The following GLT1D1 variants were observed in gnomAD, a reference collection of about 807,000 sequenced individuals.
GLT1D1 encodes the protein glycosyltransferase 1 domain-containing protein 1.
GLT1D1 carries 21 observed loss-of-function variants against 28.7 expected under a neutral mutation model. The observed-to-expected ratio is 0.73, with a 90% CI of 0.52 to 1.05. The LOEUF is 1.05. GLT1D1 is among the 50% of genes least tolerant of loss of function. GLT1D1 has a pLI of 0.00. For synonymous variants in GLT1D1, 147 were observed against 124.8 expected (o/e 1.18, Z -1.19); for missense variants, 343 against 330.6 (o/e 1.04, Z -0.29).
rs532613859 is a variant in GLT1D1 at position 128,982,124 on chromosome 12, A to G, written c.640-805A>G. 4.6e-5 allele frequency among the ~76,000 whole-genome samples: 7 copies of G among 152,306 alleles called. No individual in the cohort carries two copies. The East Asian group carries it at 1.4e-3, about 29-fold the overall frequency. ...CAAGGGTCTGCAAGCCTTCTTCAGT[A>G]ATGAGCATAAACGGAAACACAGCCC... On this transcript the variant is annotated intron_variant, in intron 7 of 7. Transcript: ENST00000281703.
chr12:128,860,889 CG>C (rs1956347577), intron 1 of GLT1D1, among the ~76,000 whole-genome samples: 1 of 152,154 alleles, frequency 6.6e-6, no homozygotes, highest in African/African-American at 2.4e-5. Flanking sequence ...CTCACGGAAC[CG>C]GGGAAATTGG....
At chr12:128,910,499 A>T (rs1459730734) in intron 4 of GLT1D1, among the ~76,000 whole-genome samples, 1 of 152,098 alleles carries the variant, frequency 6.6e-6, no homozygotes, top group Non-Finnish European at 1.5e-5. Context: ...GTGCTTTACC[A>T]TCCATCTTCA....
chr12:128,942,739 G>GTTTTTTTT lies in GLT1D1; in HGVS notation c.376-2584_376-2583insTTTTTTTT, dbSNP rs199567989. Among the ~76,000 whole-genome samples the GTTTTTTTT allele has an allele frequency of 6.4e-4, 66 of 102,506 alleles. 8 individuals carry two copies. Among genetic ancestry groups the GTTTTTTTT allele is most frequent in the Non-Finnish European group, 9.0e-4 (49 of 54,326 alleles). 67.2% of individuals were successfully genotyped at this position (102,506 alleles called of 152,430 possible). A position where few individuals can be genotyped will look rare whatever the true frequency, so the allele number is the denominator to read the frequency against. On this transcript the variant is annotated intron_variant, in intron 4 of 7. Coordinates refer to ENST00000281703, the MANE Select transcript of GLT1D1 (RefSeq NM_144669.3). ...CTTTAGATTCCAATTTTCTTTGTTTGTTTGTTTTTGTTTTTTGTTTTTTTT... is the reference window on the plus strand; with the variant it reads ...CTTTAGATTCCAATTTTCTTTGTTTGTTTTTTTTTTTGTTTTTGTTTTTTGTTTTTTTT...
chr12:128,883,584 C>A (rs1957112792), intron 2 of GLT1D1, among the ~76,000 whole-genome samples: 1 of 124,512 alleles, frequency 8.0e-6, no homozygotes, highest in Non-Finnish European at 1.6e-5. Context: ...AGCTAGACTC[C>A]ATCTCAAAAA....
intron 4 of GLT1D1, among the ~76,000 whole-genome samples, chr12:128,931,088 G>A (rs1261096509): frequency 6.7e-6 from 1 of 149,014 alleles, no homozygotes; most frequent in Admixed American, 6.8e-5. Flanking sequence ...AGCAACCTCC[G>A]CCTCATGGGT....
intron 7 of GLT1D1, among the ~76,000 whole-genome samples, chr12:128,962,043 A>T (rs1205346363): frequency 6.8e-6 from 1 of 147,048 alleles, no homozygotes; most frequent in Non-Finnish European, 1.5e-5. Context: ...CCTTCCCAGC[A>T]CTTGTGTCCT....
At chr12:128,897,958 G>A (rs1222875164) in intron 3 of GLT1D1, among the ~76,000 whole-genome samples, 2 of 151,990 alleles carry the variant, frequency 1.3e-5, no homozygotes. Flanking sequence ...TGAGCCACCA[G>A]GCCTGGCCTA....
chr12:128,973,179 G>GTTTTTTTTTTTTTTTT (rs61169176), intron 7 of GLT1D1, among the ~76,000 whole-genome samples: 5 of 50,986 alleles, frequency 9.8e-5, no homozygotes, highest in Non-Finnish European at 1.2e-4. Context: ...TGTTTGCTTG[G>GTTTTTTTTTTTTTTTT]TTTTTTTTTT....
At chr12:128,879,378 T>C (rs112427790) in intron 2 of GLT1D1, among the ~76,000 whole-genome samples, 5,878 of 69,034 alleles carry the variant, frequency 0.085, 435 homozygotes, top group South Asian at 0.16. Flanking sequence ...ATTTTTTTCT[T>C]TTTCTTTCTT....
At chr12:128,872,082 G>A (rs367845233) in intron 1 of GLT1D1, among the ~76,000 whole-genome samples, 124 of 152,248 alleles carry the variant, frequency 8.1e-4, no homozygotes, top group African/African-American at 2.9e-3. Context: ...CTCCCAAGTA[G>A]CTGGGATTAC....
intron 7 of GLT1D1, among the ~76,000 whole-genome samples, chr12:128,962,181 C>T (rs529832165): frequency 3.7e-4 from 56 of 152,232 alleles, no homozygotes; most frequent in Non-Finnish European, 4.4e-4. Context: ...GCCCCGTGTG[C>T]GTGCTCCAGT....
intron 4 of GLT1D1, among the ~76,000 whole-genome samples, chr12:128,931,921 A>ACACGCATG (rs547275422): frequency 7.8e-6 from 1 of 127,656 alleles, no homozygotes; most frequent in Non-Finnish European, 1.8e-5. Flanking sequence ...ACGCACGCAC[A>ACACGCATG]CACACACACA....
chr12:128,965,614 G>A (rs1878370759), intron 7 of GLT1D1, among the ~76,000 whole-genome samples: 2 of 147,230 alleles, frequency 1.4e-5, no homozygotes, highest in Non-Finnish European at 3.0e-5. Context: ...GCTCACACCT[G>A]TAATCCTAGC....
rs141705482 is a variant in GLT1D1 at position 128,957,559 on chromosome 12, A to T, written c.555A>T (p.Glu185Asp). 3.1e-6 allele frequency: 5 copies of T among 1,612,810 alleles called. No homozygotes were observed. In the African/African-American group the frequency reaches 6.7e-5, roughly 22 times the overall value. The change falls in exon 7 of 8, where the codon GAA (glutamate) becomes GAT (aspartate). Residue 185 changes from glutamate to aspartate, a missense_variant. Coordinates refer to ENST00000281703, the MANE Select transcript of GLT1D1 (RefSeq NM_144669.3). ...GTCTCCTCCAGGCAATGGATTTAGA[A>T]GTACCGGTATTGGCCAGGAACATCC... is the stretch of plus-strand genomic sequence containing the variant.
chr12:128,949,605 C>T (rs1455153507), intron 6 of GLT1D1, among the ~76,000 whole-genome samples: 1 of 152,172 alleles, frequency 6.6e-6, no homozygotes, highest in African/African-American at 2.4e-5. Context: ...TAGCTGGATT[C>T]GTGGGCAGCG....
At chr12:128,878,169 G>A (rs2135801999) in intron 2 of GLT1D1, among the ~76,000 whole-genome samples, 1 of 152,292 alleles carries the variant, frequency 6.6e-6, no homozygotes, top group East Asian at 1.9e-4. Flanking sequence ...TGCATATGAG[G>A]AGGTTCATGT....
At chr12:128,915,815 CT>C (rs1872053102) in intron 4 of GLT1D1, among the ~76,000 whole-genome samples, 2 of 152,310 alleles carry the variant, frequency 1.3e-5, no homozygotes, top group South Asian at 4.1e-4. Flanking sequence ...AACCTGCCTT[CT>C]TTGCTCATTA....
intron 1 of GLT1D1, chr12:128,864,012 G>A: frequency 2.3e-6 from 1 of 436,268 alleles, no homozygotes; most frequent in South Asian, 4.8e-5. Context: ...CTGCGATGCT[G>A]TGGCAGCGGG....
At chr12:128,905,715 TCA>T (rs1349927530) in intron 4 of GLT1D1, among the ~76,000 whole-genome samples, 1 of 152,210 alleles carries the variant, frequency 6.6e-6, no homozygotes, top group African/African-American at 2.4e-5. Flanking sequence ...AGTGGGCTCC[TCA>T]CCAGGTCAGC....
Sources: gnomAD v4.1 joint callset for allele counts (sites outside exome capture counted in the v4.1 genomes callset) on GRCh38, gnomAD v4.1.1 for gene constraint, MANE v1.5 for transcripts, NCBI Gene and HGNC (gene_info 2026-07-23, HGNC 2026-07-21) for gene names.